DNAH17: variants seen among roughly 807,000 people sequenced by gnomAD.
DNAH17 encodes the protein axonemal beta dynein heavy chain 17.
A neutral mutation model predicts 485.6 loss-of-function variants in DNAH17; 376 were observed. The observed-to-expected ratio is 0.77, with a 90% CI of 0.71 to 0.84. DNAH17 has a LOEUF of 0.84. Ranked by LOEUF, DNAH17 falls within the 40% of genes least tolerant of loss-of-function variation. The pLI is 0.00. For synonymous variants in DNAH17, 3,031 were observed against 2,405.9 expected (o/e 1.26, Z -7.60); for missense variants, 6,370 against 5,839.3 (o/e 1.09, Z -2.96).
At chr17:78,544,151 C>T (rs2091684650) in intron 16 of DNAH17, among the ~76,000 whole-genome samples, 154 bp from the exon 17 acceptor site, 1 of 152,222 alleles carries the variant, frequency 6.6e-6, no homozygotes, top group Admixed American at 6.5e-5. Flanking sequence ...TCAGGGGCTA[C>T]TAAGGACCTG....
intron 77 of DNAH17, among the ~76,000 whole-genome samples, chr17:78,427,893 G>C (rs866269023): frequency 4.6e-5 from 7 of 151,746 alleles, no homozygotes; most frequent in Admixed American, 6.6e-5. Flanking sequence ...TTGAACCTGG[G>C]AGGCGGAGGT....
chr17:78,500,241 G>A (rs1226526452), intron 36 of DNAH17, 64 bp downstream of exon 36: 4 of 1,505,556 alleles, frequency 2.7e-6, no homozygotes, highest in Non-Finnish European at 3.6e-6. Context: ...CGGAGGACAG[G>A]GTGCTAGGAT....
intron 57 of DNAH17, among the ~76,000 whole-genome samples, chr17:78,462,226 G>GGTGGGA (rs138915389): frequency 0.053 from 7,805 of 146,418 alleles, 753 homozygotes; most frequent in African/African-American, 0.19. Context: ...CCTCCAGGCT[G>GGTGGGA]GTGGGAGAGT....
At chr17:78,492,894 G>A (rs879103727) in intron 41 of DNAH17, 129 bp from the exon 42 acceptor site, 21 of 872,522 alleles carry the variant, frequency 2.4e-5, no homozygotes, top group South Asian at 2.3e-4. Flanking sequence ...TCTTGTCACC[G>A]AGGCTGGAGT....
At chr17:78,461,122 G>C (rs113772002) in intron 58 of DNAH17, among the ~76,000 whole-genome samples, 2,980 of 152,122 alleles carry the variant, frequency 0.02, 56 homozygotes, top group Non-Finnish European at 0.032. Flanking sequence ...TACCCTCTCG[G>C]GGGGGGCCCG....
At chr17:78,479,747 A>T (rs899296277) in intron 49 of DNAH17, 115 bp from the exon 50 acceptor site, 63 of 1,425,944 alleles carry the variant, frequency 4.4e-5, no homozygotes, top group Admixed American at 1.1e-4. Context: ...TCTTTTGGGC[A>T]TTGTCAGAAT....
rs181532093 is a variant in DNAH17 at position 78,558,579 on chromosome 17, G to A, written c.2032-325C>T. ...TGTATGACATCATTGTCATCACCACGGGTGGGTGACATTATCCTTATGGGT... is the reference window on the plus strand; with the variant it reads ...TGTATGACATCATTGTCATCACCACAGGTGGGTGACATTATCCTTATGGGT... On this transcript the variant is annotated intron_variant, in intron 13 of 80. Transcript: ENST00000389840. Among the ~76,000 whole-genome samples, 323 of 148,302 alleles carry A rather than the reference G, an allele frequency of 2.2e-3. 1 individual carries two copies. The highest frequency in any genetic ancestry group is 7.4e-3 in the African/African-American group (299 of 40,238).
chr17:78,526,578 G>C, intron 24 of DNAH17, 73 bp downstream of exon 24: 1 of 1,331,132 alleles, frequency 7.5e-7, no homozygotes, highest in Non-Finnish European at 1.0e-6. Context: ...GACTTGAAAG[G>C]ATAACTACTT....
At chr17:78,460,359 T>A (rs545872441) in intron 58 of DNAH17, 102 bp from the exon 59 acceptor site, 2 of 997,436 alleles carry the variant, frequency 2.0e-6, no homozygotes, top group Non-Finnish European at 3.0e-6. Context: ...TGTGTGCATG[T>A]ATGCACGTGC....
intron 64 of DNAH17, 57 bp from the exon 65 acceptor site, chr17:78,453,522 C>G: frequency 6.3e-7 from 1 of 1,599,280 alleles, no homozygotes; most frequent in Non-Finnish European, 8.5e-7. Context: ...TGGAACGGTG[C>G]GCACGCTCCG....
chr17:78,449,840 A>AT (rs112200735), intron 68 of DNAH17: 18,998 of 450,162 alleles, frequency 0.042, 2,466 homozygotes, highest in African/African-American at 0.31. Flanking sequence ...CACCTGGCTA[A>AT]TTTTTTTTTA....
At chr17:78,460,336 ATGTGTGTG>A in intron 58 of DNAH17, 79 bp from the exon 59 acceptor site, 19 of 894,340 alleles carry the variant, frequency 2.1e-5, no homozygotes, top group Middle Eastern at 2.5e-4. Context: ...ATGTGTGTGC[ATGTGTGTG>A]CATGTGTGTG....
At chr17:78,460,102 G>A (rs1348395773) in intron 59 of DNAH17, 60 bp downstream of exon 59, 33 of 1,579,262 alleles carry the variant, frequency 2.1e-5, no homozygotes, top group Non-Finnish European at 2.8e-5. Context: ...CACGCCAACA[G>A]CGAAGGCAGC....
At chr17:78,576,590 G>T (rs2092435871) in intron 1 of DNAH17, among the ~76,000 whole-genome samples, 1 of 152,138 alleles carries the variant, frequency 6.6e-6, no homozygotes, top group Non-Finnish European at 1.5e-5. Context: ...CCGAGACCCG[G>T]GGACGCGTCA....
chr17:78,464,077 G>A (rs537305193), intron 56 of DNAH17, among the ~76,000 whole-genome samples: 4 of 152,246 alleles, frequency 2.6e-5, no homozygotes, highest in African/African-American at 9.6e-5. Context: ...CTAGTTTCAG[G>A]TTTATTCTGT....
chr17:78,516,152 C>T (rs531947299), intron 25 of DNAH17, among the ~76,000 whole-genome samples: 2 of 152,340 alleles, frequency 1.3e-5, no homozygotes, highest in Middle Eastern at 3.4e-3. Flanking sequence ...AAACCTTAAT[C>T]TACACAGGAG....
chr17:78,431,459 C>CCCCCCA (rs2086671194), intron 75 of DNAH17, among the ~76,000 whole-genome samples: 3 of 151,594 alleles, frequency 2.0e-5, no homozygotes, highest in African/African-American at 4.8e-5. Flanking sequence ...CCCCCCACCC[C>CCCCCCA]GAGACTCCTG....
Position 78,571,055 on chromosome 17 carries a change from G to A in DNAH17, c.833-22C>T, listed in dbSNP as rs373404700. 41 of 1,556,434 alleles carry A rather than the reference G, an allele frequency of 2.6e-5. No individual in the cohort carries two copies. In the African/African-American group the frequency reaches 4.6e-4, roughly 18 times the overall value. ...AGCCCTGCACGGAACAAGAACAAGT[G>A]CCCACCGGTAAGAGAGCAGAAATTG... On this transcript the variant is annotated intron_variant, in intron 5 of 80. Transcript: ENST00000389840.
chr17:78,441,409 G>A (rs541772158), intron 71 of DNAH17, among the ~76,000 whole-genome samples: 2 of 152,216 alleles, frequency 1.3e-5, no homozygotes, highest in African/African-American at 2.4e-5. Flanking sequence ...TTTCTTTCCC[G>A]AGGGGCCCCG....
Sources: gnomAD v4.1 joint callset for allele counts (sites outside exome capture counted in the v4.1 genomes callset) on GRCh38, gnomAD v4.1.1 for gene constraint, MANE v1.5 for transcripts, NCBI Gene and HGNC (gene_info 2026-07-23, HGNC 2026-07-21) for gene names.